ADAMTS2: variants seen among roughly 807,000 people sequenced by gnomAD.
ADAMTS2 encodes A disintegrin and metalloproteinase with thrombospondin motifs 2.
In ADAMTS2, 50 loss-of-function variants were observed where a neutral mutation model predicts 123.0. The ratio of observed to expected loss-of-function variants is 0.41; its 90% CI spans 0.32 to 0.51. The LOEUF is 0.51. Ranked by LOEUF, ADAMTS2 falls within the 20% of genes least tolerant of loss-of-function variation. The pLI is 0.35. For synonymous variants in ADAMTS2, 678 were observed against 695.4 expected (o/e 0.98, Z 0.39); for missense variants, 1,494 against 1,705.2 (o/e 0.88, Z 2.18).
chr5:179,291,777 C>T (rs1756196426), intron 2 of ADAMTS2, among the ~76,000 whole-genome samples: 3 of 151,920 alleles, frequency 2.0e-5, no homozygotes, highest in Non-Finnish European at 2.9e-5. Context: ...CTTACTGTGT[C>T]ACCCACTGCA....
At chr5:179,153,434 A>G (rs924690497) in intron 9 of ADAMTS2, 57 bp downstream of exon 9, 28 of 1,598,118 alleles carry the variant, frequency 1.8e-5, no homozygotes, top group Middle Eastern at 3.3e-4. Context: ...CTGCCCCTAC[A>G]CCAGCACGCC....
intron 3 of ADAMTS2, among the ~76,000 whole-genome samples, chr5:179,214,080 C>T (rs1053942802): frequency 1.2e-4 from 18 of 152,036 alleles, no homozygotes; most frequent in African/African-American, 3.6e-4. Flanking sequence ...ACTCAAAAGC[C>T]GTGCCCACAG....
chr5:179,274,807 G>A (rs1480285678), intron 2 of ADAMTS2, among the ~76,000 whole-genome samples: 1 of 152,254 alleles, frequency 6.6e-6, no homozygotes, highest in Non-Finnish European at 1.5e-5. Context: ...AAGCTGATGT[G>A]CCAGGCAGGG....
rs1054015057 is a variant in ADAMTS2, at chr5:179,197,137, G to C, written c.891+10376C>G. 6.6e-6 allele frequency among the ~76,000 whole-genome samples: 1 copy of C among 152,252 alleles called. No individual in the cohort carries two copies. Among genetic ancestry groups the C allele is most frequent in the African/African-American group, 2.4e-5 (1 of 41,464 alleles). ...CTGGTGGCCTCTGGCAGGCCTGAGA[G>C]TACGTGTTCCTGGTAGCAATAGGTT... On this transcript the variant is annotated intron_variant, in intron 4 of 21. Transcript: ENST00000251582. This position sits in a 1 kb window ranked among gnomAD's most constrained non-coding sequence, Gnocchi z 4.2.
intron 4 of ADAMTS2, among the ~76,000 whole-genome samples, chr5:179,204,126 G>A (rs1373333615): frequency 6.6e-6 from 1 of 152,198 alleles, no homozygotes; most frequent in Non-Finnish European, 1.5e-5. Flanking sequence ...CCACTTATGC[G>A]AGGTACCCAG....
chr5:179,212,039 G>A (rs191415), intron 3 of ADAMTS2, among the ~76,000 whole-genome samples: 38,175 of 152,198 alleles, frequency 0.25, 4,862 homozygotes, highest in South Asian at 0.27. Context: ...TTGTCCACAT[G>A]CCCGGAGCCC....
At chr5:179,156,966 T>TC (rs1183323555) in intron 6 of ADAMTS2, among the ~76,000 whole-genome samples, 11 of 145,166 alleles carry the variant, frequency 7.6e-5, no homozygotes, top group South Asian at 6.7e-4. Context: ...TTTTTCTTTT[T>TC]TTTTTTTTTT....
chr5:179,273,123 A>G, intron 2 of ADAMTS2, 59 bp from the exon 3 acceptor site: 1 of 1,611,524 alleles, frequency 6.2e-7, no homozygotes, highest in Non-Finnish European at 8.5e-7. Flanking sequence ...AGGAAGGGGA[A>G]CAGCGAGGAG....
intron 3 of ADAMTS2, among the ~76,000 whole-genome samples, chr5:179,252,018 T>C (rs1273067914): frequency 6.6e-6 from 1 of 150,942 alleles, no homozygotes; most frequent in Non-Finnish European, 1.5e-5. Context: ...TCTTTTTTTT[T>C]TTTTTTTGAG....
Position 179,340,869 on chromosome 5 carries a change from C to T in ADAMTS2, c.534+2898G>A, listed in dbSNP as rs117490923. ...ATGTAAAAACCACGTGAAATTAGCACGCCTACCACGCTGCCCAGGAGATAC... is the reference window on the plus strand; with the variant it reads ...ATGTAAAAACCACGTGAAATTAGCATGCCTACCACGCTGCCCAGGAGATAC... On this transcript the variant is annotated intron_variant, in intron 2 of 21. Transcript: ENST00000251582. Among the ~76,000 whole-genome samples the T allele has an allele frequency of 8.4e-4, 128 of 152,296 alleles. 5 individuals carry two copies. The East Asian group carries it at 0.018, about 22-fold the overall frequency.
At chr5:179,217,130 G>C (rs1436052736) in intron 3 of ADAMTS2, among the ~76,000 whole-genome samples, 1 of 152,188 alleles carries the variant, frequency 6.6e-6, no homozygotes. Flanking sequence ...AACAACACGG[G>C]GGTCATCAGT....
chr5:179,303,947 A>T lies in ADAMTS2; in HGVS notation c.535-30883T>A, dbSNP rs992146974. 6.6e-6 allele frequency among the ~76,000 whole-genome samples: 1 copy of T among 152,220 alleles called. No individual in the cohort carries two copies. On this transcript the variant is annotated intron_variant, in intron 2 of 21. Coordinates refer to ENST00000251582, the MANE Select transcript of ADAMTS2 (RefSeq NM_014244.5). This position sits in a 1 kb window ranked among gnomAD's most constrained non-coding sequence, Gnocchi z 4.7. ...CAGCAGAGCTTGGGGAACTGGCATC[A>T]GAAAGTTGGTTAGAAACTCCTGGGC... is the stretch of plus-strand genomic sequence containing the variant.
chr5:179,341,729 A>AAAAAAG lies in ADAMTS2; in HGVS notation c.534+2037_534+2038insCTTTTT, dbSNP rs70997682. On this transcript the variant is annotated intron_variant, in intron 2 of 21. Coordinates refer to ENST00000251582, the MANE Select transcript of ADAMTS2 (RefSeq NM_014244.5). ...GACTCCGTCTCAAAAAAAAAAAAAA[A>AAAAAAG]AAAGAAAACAGAACCAATGGTGCTG... Among the ~76,000 whole-genome samples, 40 of 144,112 alleles carry AAAAAAG rather than the reference A, an allele frequency of 2.8e-4. 2 individuals carry two copies. Among genetic ancestry groups the AAAAAAG allele is most frequent in the South Asian group, 4.3e-4 (2 of 4,640 alleles). The allele number at this position is 144,112 out of a possible 152,430, so 94.5% of individuals were successfully genotyped here. A position where few individuals can be genotyped will look rare whatever the true frequency, so the allele number is the denominator to read the frequency against.
intron 10 of ADAMTS2, among the ~76,000 whole-genome samples, chr5:179,148,693 C>T (rs1191660770): frequency 6.6e-6 from 1 of 152,192 alleles, no homozygotes; most frequent in Admixed American, 6.5e-5. Flanking sequence ...CAAGCCCCAC[C>T]TAGCGCCCAC....
Position 179,343,946 on chromosome 5 carries a change from C to T in ADAMTS2, c.355G>A (p.Asp119Asn), listed in dbSNP as rs1757858211. ...LFYNVTVFGR[D>N]LHLRLRPNAR... ...TTGGGCCGCAGCCGCAGGTGCAGGT[C>T]TCGGCCAAAGACCGTGACATTGTAG... Residue 119 changes from aspartate (D) to asparagine (N), a missense_variant, in exon 2 of 22, where the codon GAC becomes AAC. Asp to Asn is a conservative substitution (Grantham distance 23, BLOSUM62 1). Coordinates refer to ENST00000251582, the MANE Select transcript of ADAMTS2 (RefSeq NM_014244.5). 1 of 1,611,396 alleles carries T rather than the reference C, an allele frequency of 6.2e-7. No individual in the cohort carries two copies. The highest frequency in any genetic ancestry group is 8.5e-7 in the Non-Finnish European group (1 of 1,179,512).
At chr5:179,156,036 G>A (rs2113257348) in intron 6 of ADAMTS2, among the ~76,000 whole-genome samples, 1 of 152,310 alleles carries the variant, frequency 6.6e-6, no homozygotes, top group South Asian at 2.1e-4. Flanking sequence ...CGAGCGTGGA[G>A]TCTGTGTGCC....
intron 6 of ADAMTS2, among the ~76,000 whole-genome samples, chr5:179,157,619 C>T (rs1028790716): frequency 2.6e-5 from 4 of 152,068 alleles, no homozygotes; most frequent in African/African-American, 9.6e-5. Flanking sequence ...AATCCTCCCA[C>T]CTCAGGTTCC....
At chr5:179,208,657 G>A (rs368941976) in intron 3 of ADAMTS2, among the ~76,000 whole-genome samples, 31 of 152,280 alleles carry the variant, frequency 2.0e-4, no homozygotes, top group Middle Eastern at 3.4e-3. Flanking sequence ...TCCACTGCCC[G>A]TCTGAAGGCC....
In ADAMTS2 at chr5:179,132,355, G is replaced by A. The variant is rs767196831; in HGVS notation, c.2210-45C>T. 5.0e-6 allele frequency: 8 copies of A among 1,586,340 alleles called. No individual in the cohort carries two copies. The highest frequency in any genetic ancestry group is 2.2e-5 in the East Asian group (1 of 44,704). On this transcript the variant is annotated intron_variant, in intron 14 of 21. Transcript: ENST00000251582. The surrounding 1 kb of genome is among the most constrained non-coding windows in gnomAD (Gnocchi z 6.1). ...ACACAGAAAACTGAGAAGGGAAGGC[G>A]CCGCTCAAATTCGCACCATGCAAGG...
Sources: gnomAD v4.1 joint callset for allele counts (sites outside exome capture counted in the v4.1 genomes callset) on GRCh38, gnomAD v4.1.1 for gene constraint, Gnocchi (gnomAD v3.1) non-coding constraint, MANE v1.5 for transcripts, NCBI Gene and HGNC (gene_info 2026-07-23, HGNC 2026-07-21) for gene names.